The following CCSER1 variants were observed in gnomAD, a reference collection of about 807,000 sequenced individuals.
CCSER1 encodes the protein serine-rich coiled-coil domain-containing protein 1.
CCSER1 carries 41 observed loss-of-function variants against 82.0 expected under a neutral mutation model. The ratio of observed to expected loss-of-function variants is 0.50; its 90% CI spans 0.39 to 0.65. The LOEUF is 0.65. Ranked by LOEUF, CCSER1 falls within the 30% of genes least tolerant of loss-of-function variation. CCSER1 has a pLI of 0.00. For missense variants in CCSER1, 1,119 were observed against 1,064.2 expected (o/e 1.05, Z -0.72); for synonymous variants, 414 against 383.9 (o/e 1.08, Z -0.92).
At chr4:90,829,409 G>A (rs773469973) in intron 8 of CCSER1, among the ~76,000 whole-genome samples, 24 of 152,132 alleles carry the variant, frequency 1.6e-4, no homozygotes, top group South Asian at 2.1e-4. Flanking sequence ...AAACAGCTAC[G>A]CTAAAACATA....
Position 91,522,381 on chromosome 4 carries a change from GA to G in CCSER1, c.2218-76189del, listed in dbSNP as rs1760524477. The stretch of plus-strand genomic sequence containing the variant: ...TGTGAGCTCTATTTTGGTTCCATAT[GA>G]ATGTTAGTTTTTTCTAATTCTGTGA... On this transcript the variant is annotated intron_variant, in intron 10 of 10. Coordinates refer to ENST00000509176, the MANE Select transcript of CCSER1 (RefSeq NM_001145065.2). 2.0e-5 allele frequency among the ~76,000 whole-genome samples: 3 copies of G among 151,562 alleles called. No homozygotes were observed. In the South Asian group the frequency reaches 6.2e-4, roughly 31 times the overall value.
chr4:91,069,607 A>G (rs1721216732), intron 9 of CCSER1, among the ~76,000 whole-genome samples: 1 of 152,234 alleles, frequency 6.6e-6, no homozygotes, highest in South Asian at 2.1e-4. Context: ...TAGTCAGTAC[A>G]CAAAATAATA....
chr4:91,186,508 G>A (rs1734549654), intron 10 of CCSER1, among the ~76,000 whole-genome samples: 1 of 152,102 alleles, frequency 6.6e-6, no homozygotes, highest in African/African-American at 2.4e-5. Flanking sequence ...CGTGATGGAC[G>A]CCACTTGCTG....
chr4:90,380,584 T>C (rs140813085), intron 3 of CCSER1, among the ~76,000 whole-genome samples: 1 of 152,356 alleles, frequency 6.6e-6, no homozygotes, highest in East Asian at 1.9e-4. Context: ...TTTGTAAATG[T>C]ACAAGTTATT....
chr4:91,382,626 A>G (rs1750992121), intron 10 of CCSER1, among the ~76,000 whole-genome samples: 1 of 152,098 alleles, frequency 6.6e-6, no homozygotes. Context: ...TTGGCTAGGA[A>G]AGGGAATTCC....
rs116650218 is a variant in CCSER1, at chr4:91,173,967, T to G, written c.2217+87973T>G. Among the ~76,000 whole-genome samples the G allele has an allele frequency of 9.9e-3, 1,502 of 152,326 alleles. 10 individuals carry two copies. The highest frequency in any genetic ancestry group is 0.024 in the African/African-American group (1,014 of 41,584). Reference sequence around the variant, plus strand: ...ATAGTCTTAAAAATTGTAGTTTTTATATATATATTTGAACAAACTTTACAT... The same window carrying G: ...ATAGTCTTAAAAATTGTAGTTTTTAGATATATATTTGAACAAACTTTACAT... On this transcript the variant is annotated intron_variant, in intron 10 of 10. Coordinates refer to ENST00000509176, the MANE Select transcript of CCSER1 (RefSeq NM_001145065.2).
chr4:90,903,513 C>T (rs1724979985), intron 8 of CCSER1, among the ~76,000 whole-genome samples: 1 of 152,086 alleles, frequency 6.6e-6, no homozygotes, highest in Admixed American at 6.6e-5. Flanking sequence ...AGCAACTTCT[C>T]AGACCACAGT....
At chr4:90,933,171 GT>G (rs1191865849) in intron 9 of CCSER1, among the ~76,000 whole-genome samples, 6 of 115,378 alleles carry the variant, frequency 5.2e-5, no homozygotes, top group African/African-American at 2.3e-4. Context: ...GTGTGTGTGT[GT>G]GTGTGTGTGT....
In CCSER1 at chr4:91,599,333, T is replaced by A. The variant is rs368349378; in HGVS notation, c.*276T>A. 7.1e-6 allele frequency: 2 copies of A among 281,516 alleles called. No individual in the cohort carries two copies. Among genetic ancestry groups the A allele is most frequent in the Non-Finnish European group, 1.3e-5 (2 of 150,974 alleles). 17.4% of individuals were successfully genotyped at this position (281,516 alleles called of 1,614,324 possible). On this transcript the variant is annotated 3_prime_UTR_variant, in exon 11 of 11. Coordinates refer to ENST00000509176, the MANE Select transcript of CCSER1 (RefSeq NM_001145065.2). ...GGGACCATCATGATCGTTTATATAG[T>A]CCATAATTTATTTATTTTTTATCTC...
chr4:91,079,450 G>T (rs1722432910), intron 9 of CCSER1, among the ~76,000 whole-genome samples: 1 of 152,140 alleles, frequency 6.6e-6, no homozygotes. Flanking sequence ...GGAACATCTG[G>T]TACCAGCCAC....
At chr4:91,394,970 T>C (rs1236946545) in intron 10 of CCSER1, among the ~76,000 whole-genome samples, 2 of 151,988 alleles carry the variant, frequency 1.3e-5, no homozygotes, top group Non-Finnish European at 2.9e-5. Flanking sequence ...AATAGAACTA[T>C]TAAAAATAGG....
chr4:90,881,097 CT>C (rs1238547822), intron 8 of CCSER1, among the ~76,000 whole-genome samples: 1 of 151,260 alleles, frequency 6.6e-6, no homozygotes, highest in Non-Finnish European at 1.5e-5. Context: ...AGTATGATTT[CT>C]TATATGAGTT....
At chr4:90,165,338 G>GT (rs1730260135) in intron 1 of CCSER1, among the ~76,000 whole-genome samples, 1 of 152,034 alleles carries the variant, frequency 6.6e-6, no homozygotes, top group African/African-American at 2.4e-5. Flanking sequence ...GGATTTTAAT[G>GT]TAACTGCTGA....
chr4:91,144,954 C>T (rs1345287021), intron 10 of CCSER1, among the ~76,000 whole-genome samples: 1 of 152,008 alleles, frequency 6.6e-6, no homozygotes, highest in Non-Finnish European at 1.5e-5. Flanking sequence ...GTGGAATACT[C>T]TGTTGATGTC....
intron 1 of CCSER1, among the ~76,000 whole-genome samples, chr4:90,301,166 A>G (rs1733025216): frequency 6.6e-6 from 1 of 152,104 alleles, no homozygotes; most frequent in Non-Finnish European, 1.5e-5. Flanking sequence ...ATTATGTAAT[A>G]TATTTTACTT....
intron 5 of CCSER1, among the ~76,000 whole-genome samples, chr4:90,551,764 A>T (rs1777550675): frequency 6.9e-6 from 1 of 145,970 alleles, no homozygotes; most frequent in East Asian, 2.0e-4. Flanking sequence ...TCCCCACTAG[A>T]CCCTAAGCCT....
intron 9 of CCSER1, among the ~76,000 whole-genome samples, chr4:91,085,623 T>A (rs1219651834): frequency 6.6e-6 from 1 of 152,154 alleles, no homozygotes; most frequent in Non-Finnish European, 1.5e-5. Context: ...GTTACCATCA[T>A]AGAATATACT....
intron 10 of CCSER1, among the ~76,000 whole-genome samples, chr4:91,489,504 T>G (rs1216480017): frequency 2.0e-5 from 3 of 152,148 alleles, no homozygotes; most frequent in Non-Finnish European, 2.9e-5. Context: ...TTCCCTTCAC[T>G]GCAAGATTAA....
chr4:91,257,869 A>C lies in CCSER1; in HGVS notation c.2217+171875A>C, dbSNP rs781249845. ...ATTTAATGTTAACATTAAGATGGAAATATGTCTTCCTTATTGAGCTATAAC... is the reference window on the plus strand; with the variant it reads ...ATTTAATGTTAACATTAAGATGGAACTATGTCTTCCTTATTGAGCTATAAC... On this transcript the variant is annotated intron_variant, in intron 10 of 10. Transcript: ENST00000509176. 2.9e-4 allele frequency among the ~76,000 whole-genome samples: 44 copies of C among 152,232 alleles called. 1 individual carries two copies. Among genetic ancestry groups the C allele is most frequent in the South Asian group, 1.2e-3 (6 of 4,830 alleles).
Sources: allele counts gnomAD v4.1 joint callset (sites outside exome capture counted in the v4.1 genomes callset), GRCh38; gene constraint gnomAD v4.1.1; transcripts MANE v1.5; gene names NCBI Gene and HGNC (gene_info 2026-07-23, HGNC 2026-07-21).